Variants in CNBD2 observed in about 807,000 individuals in gnomAD.
CNBD2 encodes cyclic nucleotide-binding domain-containing protein 2.
Under a neutral mutation model 63.7 loss-of-function variants are expected in CNBD2, and 64 were observed. That is an observed-to-expected ratio of 1.00 (90% CI 0.82 to 1.24). The LOEUF (loss-of-function observed/expected upper bound fraction) is 1.24, where lower values mean the gene tolerates loss of function less well. Among genes scored for constraint, CNBD2 ranks in the 50% most tolerant of loss-of-function variants. The pLI is 0.00. For missense variants in CNBD2, 691 were observed against 713.5 expected, an observed-to-expected ratio of 0.97 and a Z score of 0.36; for synonymous variants, 229 against 255.4, an observed-to-expected ratio of 0.90 and a Z score of 0.99.
At chr20:35,974,268 G>A (rs1364026131) in intron 2 of CNBD2, 5 of 153,710 alleles carry the variant, frequency 3.3e-5, no homozygotes, top group Non-Finnish European at 7.3e-5. Flanking sequence ...AACGAATGGA[G>A]TAGAAGAACT....
At chr20:35,963,816 A>G (rs1387669808), upstream of CNBD2, among the ~76,000 whole-genome samples, 1 of 152,152 alleles carries the variant, frequency 6.6e-6, no homozygotes, top group East Asian at 1.9e-4. Context: ...GTGAACTGCC[A>G]TTTTGCAACC....
intron 9 of CNBD2, among the ~76,000 whole-genome samples, chr20:36,010,337 G>A (rs375875423): frequency 6.6e-6 from 1 of 151,398 alleles, no homozygotes; most frequent in African/African-American, 2.4e-5. Flanking sequence ...CGAGCACCCT[G>A]TGACTTTTGA....
At chr20:35,983,762 T>C (rs1009934901) in intron 4 of CNBD2, among the ~76,000 whole-genome samples, 3 of 152,216 alleles carry the variant, frequency 2.0e-5, no homozygotes, top group African/African-American at 4.8e-5. Flanking sequence ...GCAAAGACTC[T>C]GCTCTCAGGA....
intron 8 of CNBD2, among the ~76,000 whole-genome samples, chr20:36,001,369 G>A (rs559773907): frequency 1.5e-4 from 22 of 147,634 alleles, no homozygotes; most frequent in Admixed American, 5.3e-4. Context: ...GTGGGGGGCT[G>A]ACCCCCCCAC....
intron 10 of CNBD2, among the ~76,000 whole-genome samples, chr20:36,020,231 C>G (rs531347275): frequency 6.6e-6 from 1 of 152,068 alleles, no homozygotes; most frequent in Non-Finnish European, 1.5e-5. Context: ...TACAAGCACC[C>G]GCACCACGCC....
chr20:36,010,444 C>CAAAAAA (rs147122121), intron 9 of CNBD2, among the ~76,000 whole-genome samples: 11 of 92,902 alleles, frequency 1.2e-4, no homozygotes, highest in Middle Eastern at 6.0e-3. Context: ...AACTCTGTCT[C>CAAAAAA]AAAAAAAAAA....
chr20:35,983,509 C>T (rs1267818946), intron 4 of CNBD2, among the ~76,000 whole-genome samples: 1 of 152,116 alleles, frequency 6.6e-6, no homozygotes, highest in African/African-American at 2.4e-5. Context: ...TCTAGGCATA[C>T]TCATCTGCAT....
chr20:35,993,975 A>G (rs1206770297), intron 7 of CNBD2, among the ~76,000 whole-genome samples: 2 of 151,070 alleles, frequency 1.3e-5, no homozygotes, highest in African/African-American at 2.4e-5. Flanking sequence ...CCTGGGTTCA[A>G]GTGATTCGAT....
intron 7 of CNBD2, among the ~76,000 whole-genome samples, chr20:35,989,462 G>C (rs2056712854): frequency 6.6e-6 from 1 of 152,188 alleles, no homozygotes; most frequent in Non-Finnish European, 1.5e-5. Flanking sequence ...AACTCTGCAA[G>C]TTACAAGATT....
chr20:36,006,160 C>G (rs2056982241), intron 8 of CNBD2, among the ~76,000 whole-genome samples: 1 of 151,152 alleles, frequency 6.6e-6, no homozygotes, highest in Non-Finnish European at 1.5e-5. Flanking sequence ...TCTGGAGTAG[C>G]TGGGATTACA....
At chr20:36,006,490 CA>C (rs1243563707) in intron 8 of CNBD2, among the ~76,000 whole-genome samples, 3 of 152,190 alleles carry the variant, frequency 2.0e-5, no homozygotes, top group African/African-American at 7.2e-5. Context: ...GAACATGGCT[CA>C]ATACAACCTT....
rs6142479 is a variant in CNBD2, at chr20:36,008,559, C to T, written c.1148+85C>T. 1,887 of 1,333,056 alleles carry T rather than the reference C, an allele frequency of 1.4e-3. 45 individuals carry two copies. In the East Asian group the frequency reaches 0.037, roughly 26 times the overall value. 82.6% of individuals were successfully genotyped at this position (1,333,056 alleles called of 1,614,324 possible). ...CTTATATGGCAGAATGTCAGGGATG[C>T]GGATAAGGGGCAAAGGTGGAGGACA... On this transcript the variant is annotated intron_variant, in intron 9 of 11. Transcript: ENST00000373973.
intron 6 of CNBD2, among the ~76,000 whole-genome samples, chr20:35,985,706 T>G (rs1357488156): frequency 2.0e-5 from 3 of 152,114 alleles, no homozygotes; most frequent in Admixed American, 6.5e-5. Flanking sequence ...CAGGGTGGTG[T>G]TGAACTCCTG....
chr20:35,972,824 C>A lies in CNBD2; in HGVS notation c.189+58C>A. The A allele has an allele frequency of 3.2e-6, 5 of 1,550,594 alleles. No homozygotes were observed. The South Asian group carries it at 4.5e-5, about 14-fold the overall frequency. On this transcript the variant is annotated intron_variant, in intron 2 of 11. Transcript: ENST00000373973. ...CTCAAAGAAGCCCAATAAATTGCATCCCACTTCCTGGCCTAAGCTCAGAAC... is the reference window on the plus strand; with the variant it reads ...CTCAAAGAAGCCCAATAAATTGCATACCACTTCCTGGCCTAAGCTCAGAAC...
rs570473455 is a variant in CNBD2 at position 36,006,764 on chromosome 20, T to A, written c.971-1533T>A. On this transcript the variant is annotated intron_variant, in intron 8 of 11. Coordinates refer to ENST00000373973, the MANE Select transcript of CNBD2 (RefSeq NM_001365709.1). ...ACCTCTACAATCAAGTTATAGAACA[T>A]TTCCATCACCCCACAAAGTTCCCTT... 1.8e-3 allele frequency among the ~76,000 whole-genome samples: 275 copies of A among 152,260 alleles called. 1 individual carries two copies. The highest frequency in any genetic ancestry group is 2.7e-3 in the Non-Finnish European group (186 of 68,022).
upstream of CNBD2, among the ~76,000 whole-genome samples, chr20:35,968,362 G>T (rs1480157134): frequency 6.8e-6 from 1 of 146,506 alleles, no homozygotes; most frequent in African/African-American, 2.7e-5. Context: ...GGTCAGCAGG[G>T]TTGTGCCATT....
At chr20:35,980,372 T>C in intron 3 of CNBD2, 87 bp from the exon 4 acceptor site, 1 of 1,225,234 alleles carries the variant, frequency 8.2e-7, no homozygotes, top group Non-Finnish European at 1.2e-6. Flanking sequence ...AACGGGAGAG[T>C]GTACAAGCAG....
chr20:36,025,623 A>G (rs1340564727), intron 11 of CNBD2, among the ~76,000 whole-genome samples: 1 of 149,920 alleles, frequency 6.7e-6, no homozygotes, highest in Non-Finnish European at 1.5e-5. Context: ...AAAAATAAAT[A>G]TGTATCTTGA....
rs926241813 is a variant in CNBD2, at chr20:35,995,257, G to GTA, written c.970+109_970+110dup. 5.5e-6 allele frequency: 4 copies of GTA among 724,992 alleles called. No homozygotes were observed. The African/African-American group carries it at 7.0e-5, about 13-fold the overall frequency. The allele number at this position is 724,992 out of a possible 1,614,324, so 44.9% of individuals were successfully genotyped here. A position where few individuals can be genotyped will look rare whatever the true frequency, so the allele number is the denominator to read the frequency against. The stretch of plus-strand genomic sequence containing the variant: ...AAATCTAGTCAGCCAGCCTGACAGC[G>GTA]TATATCATCTGCACCCTTCTACCAG... On this transcript the variant is annotated intron_variant, in intron 8 of 11. Coordinates refer to ENST00000373973, the MANE Select transcript of CNBD2 (RefSeq NM_001365709.1).
Sources: allele counts gnomAD v4.1 joint callset (sites outside exome capture counted in the v4.1 genomes callset), GRCh38; gene constraint gnomAD v4.1.1; transcripts MANE v1.5; gene names NCBI Gene and HGNC (gene_info 2026-07-23, HGNC 2026-07-21).